WNT7B: variants seen among roughly 807,000 people sequenced by gnomAD.
WNT7B encodes the protein Wnt family member 7B.
In WNT7B, 19 loss-of-function variants were observed where a neutral mutation model predicts 38.2. That is an observed-to-expected ratio of 0.50 (90% CI 0.35 to 0.73). The LOEUF is 0.73. Ranked by LOEUF, WNT7B falls within the 30% of genes least tolerant of loss-of-function variation. The pLI is 0.01. For missense variants in WNT7B, 423 were observed against 507.9 expected, an observed-to-expected ratio of 0.83 and a Z score of 1.61; for synonymous variants, 243 against 209.3, an observed-to-expected ratio of 1.16 and a Z score of -1.39.
chr22:45,970,275 C>T (rs1487566857), intron 1 of WNT7B, among the ~76,000 whole-genome samples: 3 of 152,198 alleles, frequency 2.0e-5, no homozygotes, highest in Non-Finnish European at 4.4e-5. Flanking sequence ...CCAGCACTGG[C>T]CCAGGGATGC....
In WNT7B at chr22:45,948,817, C is replaced by A. The variant is rs547085815; in HGVS notation, c.298+1103G>T. Among the ~76,000 whole-genome samples the A allele has an allele frequency of 1.5e-4, 23 of 148,528 alleles. No homozygotes were observed. The East Asian group carries it at 4.5e-3, about 29-fold the overall frequency. On this transcript the variant is annotated intron_variant, in intron 2 of 3. Transcript: ENST00000339464. The stretch of plus-strand genomic sequence containing the variant: ...GCTGGATTCAAACCCAGGTCAGGCT[C>A]CAAAGATCCCTTTTTTTTTTTTTTT...
intron 2 of WNT7B, among the ~76,000 whole-genome samples, chr22:45,939,635 A>ACACACACC (rs1931595001): frequency 6.9e-6 from 1 of 145,538 alleles, no homozygotes; most frequent in African/African-American, 2.7e-5. Context: ...CTCTACAAAC[A>ACACACACC]CACACACACA....
rs779619200 is a variant in WNT7B, at chr22:45,976,636, C to T, written c.71+48G>A. The stretch of plus-strand genomic sequence containing the variant: ...GGGGACGCCCCGGAGGCAGCTCCTT[C>T]GTGCTGTCTTGGCCCCTGGCTGCTG... On this transcript the variant is annotated intron_variant, in intron 1 of 3. Transcript: ENST00000339464. This position sits in a 1 kb window ranked among gnomAD's most constrained non-coding sequence, Gnocchi z 8.5. 1.3e-5 allele frequency: 21 copies of T among 1,582,828 alleles called. No homozygotes were observed. The East Asian group carries it at 4.9e-4, about 37-fold the overall frequency.
At chr22:45,955,416 G>A (rs1249766210) in intron 1 of WNT7B, among the ~76,000 whole-genome samples, 1 of 152,236 alleles carries the variant, frequency 6.6e-6, no homozygotes, top group Non-Finnish European at 1.5e-5. Flanking sequence ...AGTGTGCTGG[G>A]GCCACTGGGG....
chr22:45,950,217 C>T, intron 1 of WNT7B, 71 bp from the exon 2 acceptor site: 2 of 1,331,610 alleles, frequency 1.5e-6, no homozygotes, highest in East Asian at 2.4e-5. Context: ...CAACACCTTT[C>T]CCCCACTCAG....
At chr22:45,925,635 C>A in intron 3 of WNT7B, 1 of 985,352 alleles carries the variant, frequency 1.0e-6, no homozygotes, top group Non-Finnish European at 1.2e-6. Context: ...GGGATCTGTC[C>A]CCTCCTGGAA....
At position 45,949,926 on chromosome 22, in the gene WNT7B, G is replaced by A. The variant is rs1569119395; in HGVS notation, c.292C>T (p.Arg98Ter). 1 of 1,607,538 alleles carries A rather than the reference G, an allele frequency of 6.2e-7. No individual in the cohort carries two copies. The highest frequency in any genetic ancestry group is 8.5e-7 in the Non-Finnish European group (1 of 1,175,270). ...GEKTVFGQEL[R>*]VGSREAAFTY... ...AGCCCAGAGGCGCCCTTACCTACTC[G>A]GAGCTCTTGCCCGAAGACGGTCTTC... The change falls in exon 2 of 4, where the codon CGA becomes TGA. Residue 98 changes from arginine to a stop codon, truncating the protein, a stop_gained. Transcript: ENST00000339464. LOFTEE classifies it high-confidence loss of function.
intron 2 of WNT7B, among the ~76,000 whole-genome samples, chr22:45,940,466 G>A (rs1021376682): frequency 9.9e-5 from 15 of 152,132 alleles, no homozygotes; most frequent in Non-Finnish European, 1.3e-4. Flanking sequence ...CTACACACGC[G>A]CGACACTGCC....
intron 2 of WNT7B, among the ~76,000 whole-genome samples, chr22:45,941,906 G>A (rs1931658875): frequency 6.6e-6 from 1 of 151,918 alleles, no homozygotes; most frequent in South Asian, 2.1e-4. Context: ...CTTCCCTGAA[G>A]AATAGGTCAG....
At chr22:45,971,492 AC>A (rs1932437587) in intron 1 of WNT7B, among the ~76,000 whole-genome samples, 1 of 151,824 alleles carries the variant, frequency 6.6e-6, no homozygotes, top group Admixed American at 6.6e-5. Context: ...GGGCACACAC[AC>A]GCGCGCCCAC....
At chr22:45,957,708 A>G (rs1230322114) in intron 1 of WNT7B, among the ~76,000 whole-genome samples, 1 of 151,018 alleles carries the variant, frequency 6.6e-6, no homozygotes, top group African/African-American at 2.4e-5. Context: ...AAAAAAAAAA[A>G]AAAACAGAAA....
rs1379800194 is a variant in WNT7B, at chr22:45,976,448, C to G, written c.71+236G>C. On this transcript the variant is annotated intron_variant, in intron 1 of 3. Coordinates refer to ENST00000339464, the MANE Select transcript of WNT7B (RefSeq NM_058238.3). The surrounding 1 kb of genome is among the most constrained non-coding windows in gnomAD (Gnocchi z 8.5). ...GCTACCCGCGAGCCCGGCCGGACCG[C>G]CCGCGCGCCCCGCTCTCTCTCCTCC... Among the ~76,000 whole-genome samples the G allele has an allele frequency of 6.6e-6, 1 of 151,936 alleles. No individual in the cohort carries two copies. Among genetic ancestry groups the G allele is most frequent in the Non-Finnish European group, 1.5e-5 (1 of 67,952 alleles).
At chr22:45,950,807 G>A (rs1931915007) in intron 1 of WNT7B, among the ~76,000 whole-genome samples, 1 of 152,248 alleles carries the variant, frequency 6.6e-6, no homozygotes, top group South Asian at 2.1e-4. Flanking sequence ...CCCGCACCGG[G>A]AATGGTGGCT....
rs894785342 is a variant in WNT7B at position 45,925,571 on chromosome 22, C to A, written c.571-2236G>T. 4 of 985,218 alleles carry A rather than the reference C, an allele frequency of 4.1e-6. No homozygotes were observed. In the East Asian group the frequency reaches 4.5e-4, roughly 112 times the overall value. 61.0% of individuals were successfully genotyped at this position (985,218 alleles called of 1,614,324 possible). On this transcript the variant is annotated intron_variant, in intron 3 of 3. Coordinates refer to ENST00000339464, the MANE Select transcript of WNT7B (RefSeq NM_058238.3). ...GAGTATATTGGGACCTCCTCCCTGC[C>A]TCCTGTCCCTCTCCCATCCTGTCCA... is the stretch of plus-strand genomic sequence containing the variant.
chr22:45,946,071 G>A (rs1036996362), intron 2 of WNT7B, among the ~76,000 whole-genome samples: 28 of 152,200 alleles, frequency 1.8e-4, no homozygotes, highest in Non-Finnish European at 5.9e-5. Context: ...GCTCTAGGGG[G>A]ATGGGGGCGG....
Position 45,929,940 on chromosome 22 carries a change from C to T in WNT7B, c.570+1158G>A, listed in dbSNP as rs1274660668. ...TCTATCCTCCCATCCACCCACTCAT[C>T]CTTCCATCCATCCACTCATACATCT... On this transcript the variant is annotated intron_variant, in intron 3 of 3. Transcript: ENST00000339464. Among the ~76,000 whole-genome samples the T allele has an allele frequency of 4.3e-5, 5 of 115,348 alleles. No homozygotes were observed. The East Asian group carries it at 8.7e-4, about 20-fold the overall frequency. The allele number at this position is 115,348 out of a possible 152,430, so 75.7% of individuals were successfully genotyped here.
intron 3 of WNT7B, chr22:45,927,201 G>T: frequency 1.0e-6 from 1 of 985,422 alleles, no homozygotes; most frequent in Non-Finnish European, 1.2e-6. Context: ...GGGCAGAGCT[G>T]GGGGCCGGGC....
At chr22:45,942,542 C>T (rs984770304) in intron 2 of WNT7B, among the ~76,000 whole-genome samples, 1 of 152,240 alleles carries the variant, frequency 6.6e-6, no homozygotes, top group Non-Finnish European at 1.5e-5. Context: ...GATCAGAAGC[C>T]CAGAGCCCTC....
At chr22:45,967,673 C>A (rs1426450464) in intron 1 of WNT7B, among the ~76,000 whole-genome samples, 1 of 151,952 alleles carries the variant, frequency 6.6e-6, no homozygotes, top group Non-Finnish European at 1.5e-5. Context: ...ACCCACCTGC[C>A]CTGCCAGGGT....
Sources: gnomAD v4.1 joint callset for allele counts (sites outside exome capture counted in the v4.1 genomes callset) on GRCh38, gnomAD v4.1.1 for gene constraint, Gnocchi (gnomAD v3.1) non-coding constraint, MANE v1.5 for transcripts, NCBI Gene and HGNC (gene_info 2026-07-23, HGNC 2026-07-21) for gene names.